The following TRAPPC9 variants were observed in gnomAD, a reference collection of about 807,000 sequenced individuals.
The protein encoded by TRAPPC9 is trafficking protein particle complex subunit 9, also known as IKK2 binding protein.
Under a neutral mutation model 124.0 loss-of-function variants are expected in TRAPPC9, and 83 were observed. The observed-to-expected ratio is 0.67, with a 90% CI of 0.56 to 0.80. The LOEUF is 0.80. Ranked by LOEUF, TRAPPC9 falls within the 30% of genes least tolerant of loss-of-function variation. TRAPPC9 has a pLI of 0.00. For synonymous variants in TRAPPC9, 638 were observed against 617.5 expected (o/e 1.03, Z -0.49); for missense variants, 1,302 against 1,508.3 (o/e 0.86, Z 2.27).
intron 17 of TRAPPC9, among the ~76,000 whole-genome samples, chr8:140,136,741 C>T (rs182058690): frequency 6.6e-6 from 1 of 152,188 alleles, no homozygotes; most frequent in Admixed American, 6.5e-5. Flanking sequence ...GGGAGGCTGA[C>T]GCAGGAGAAT....
chr8:139,807,427 G>A lies in TRAPPC9; in HGVS notation c.3056-75225C>T, dbSNP rs1824143960. 4.6e-5 allele frequency among the ~76,000 whole-genome samples: 7 copies of A among 152,294 alleles called. No individual in the cohort carries two copies. In the South Asian group the frequency reaches 1.5e-3, roughly 32 times the overall value. ...TGGCAGTTCTGGTAAAACTAAGAGT[G>A]GGGAGGAACATGAACTTGCTTTACT... On this transcript the variant is annotated intron_variant, in intron 21 of 22. Transcript: ENST00000438773.
intron 16 of TRAPPC9, among the ~76,000 whole-genome samples, chr8:140,236,436 A>G (rs945872096): frequency 1.3e-5 from 2 of 152,250 alleles, no homozygotes; most frequent in African/African-American, 2.4e-5. Context: ...TTATGATGAT[A>G]GAAGTCATAA....
chr8:140,368,375 G>A (rs2068182559), intron 8 of TRAPPC9, among the ~76,000 whole-genome samples: 1 of 152,180 alleles, frequency 6.6e-6, no homozygotes, highest in African/African-American at 2.4e-5. Flanking sequence ...TCTCACCTGA[G>A]TGGACAGCAT....
At chr8:140,175,656 G>A (rs371840653) in intron 17 of TRAPPC9, among the ~76,000 whole-genome samples, 20 of 152,224 alleles carry the variant, frequency 1.3e-4, no homozygotes, top group African/African-American at 4.6e-4. Flanking sequence ...GAAATCTGAC[G>A]ACATCCACGG....
At chr8:140,286,836 A>G (rs2065497746) in intron 13 of TRAPPC9, among the ~76,000 whole-genome samples, 1 of 152,200 alleles carries the variant, frequency 6.6e-6, no homozygotes, top group Non-Finnish European at 1.5e-5. Flanking sequence ...CAGCAAGGCC[A>G]GGGCATCGGT....
At chr8:140,169,020 C>T (rs551683631) in intron 17 of TRAPPC9, among the ~76,000 whole-genome samples, 69 of 152,116 alleles carry the variant, frequency 4.5e-4, no homozygotes, top group African/African-American at 1.5e-3. Context: ...GAGGGGCTCG[C>T]GGTCCCCTGG....
At chr8:139,819,023 G>A (rs1825063506) in intron 21 of TRAPPC9, among the ~76,000 whole-genome samples, 1 of 152,198 alleles carries the variant, frequency 6.6e-6, no homozygotes, top group Admixed American at 6.5e-5. Flanking sequence ...GAACCAGGCT[G>A]GAGAGCAGGA....
intron 16 of TRAPPC9, among the ~76,000 whole-genome samples, chr8:140,230,729 G>A (rs1439415491): frequency 4.6e-5 from 7 of 151,966 alleles, no homozygotes; most frequent in African/African-American, 1.7e-4. Flanking sequence ...AGCTGAGATC[G>A]CGCCACTGTG....
chr8:140,444,987 C>T (rs2071189812), intron 2 of TRAPPC9, among the ~76,000 whole-genome samples: 2 of 152,148 alleles, frequency 1.3e-5, no homozygotes, highest in African/African-American at 4.8e-5. Context: ...TCAGCTCATC[C>T]ACCTTCAGGG....
At chr8:140,418,443 G>A (rs759811012) in intron 5 of TRAPPC9, among the ~76,000 whole-genome samples, 12 of 152,152 alleles carry the variant, frequency 7.9e-5, no homozygotes, top group South Asian at 2.1e-4. Flanking sequence ...ACGCAAGGCC[G>A]GGCGCAGTGG....
intron 17 of TRAPPC9, among the ~76,000 whole-genome samples, chr8:140,100,712 G>A (rs1400611666): frequency 6.6e-6 from 1 of 152,214 alleles, no homozygotes; most frequent in South Asian, 2.1e-4. Context: ...GGGCGCTGGA[G>A]ATGAGGGTGG....
chr8:140,183,845 A>G (rs1490809632), intron 17 of TRAPPC9, among the ~76,000 whole-genome samples: 5 of 108,304 alleles, frequency 4.6e-5, no homozygotes, highest in African/African-American at 1.7e-4. Flanking sequence ...ACAGAATGAG[A>G]CTTTGTCAAA....
chr8:140,000,250 T>C (rs1328925803), intron 18 of TRAPPC9, among the ~76,000 whole-genome samples: 1 of 152,270 alleles, frequency 6.6e-6, no homozygotes, highest in Non-Finnish European at 1.5e-5. Context: ...ATTAAAGACT[T>C]CAATGTAAGA....
chr8:140,206,756 CAT>C (rs150660269), intron 17 of TRAPPC9, among the ~76,000 whole-genome samples: 57 of 145,646 alleles, frequency 3.9e-4, no homozygotes, highest in South Asian at 8.6e-4. Flanking sequence ...CATATACATA[CAT>C]ATATATATAT....
At chr8:139,736,322 C>T (rs1405593441) in intron 21 of TRAPPC9, among the ~76,000 whole-genome samples, 1 of 152,216 alleles carries the variant, frequency 6.6e-6, no homozygotes, top group Non-Finnish European at 1.5e-5. Flanking sequence ...CCCTCAGTGC[C>T]AGGCAAACTG....
chr8:140,373,344 G>A lies in TRAPPC9; in HGVS notation c.1135-2164C>T, dbSNP rs370207343. 2.4e-4 allele frequency among the ~76,000 whole-genome samples: 36 copies of A among 152,326 alleles called. 1 individual carries two copies. The highest frequency in any genetic ancestry group is 1.5e-3 in the East Asian group (8 of 5,184). ...TATGAGGCAGGCTGTACTAGGTGACGCCGCCGGGGCACACAGGCTCTCTGC... is the reference window on the plus strand; with the variant it reads ...TATGAGGCAGGCTGTACTAGGTGACACCGCCGGGGCACACAGGCTCTCTGC... On this transcript the variant is annotated intron_variant, in intron 7 of 22. Transcript: ENST00000438773.
At chr8:139,989,954 A>T (rs1275616454) in intron 18 of TRAPPC9, among the ~76,000 whole-genome samples, 2 of 152,188 alleles carry the variant, frequency 1.3e-5, no homozygotes, top group Non-Finnish European at 2.9e-5. Flanking sequence ...CACCCACGAC[A>T]GGACAGACAC....
At chr8:140,178,319 A>G (rs2062117208) in intron 17 of TRAPPC9, among the ~76,000 whole-genome samples, 1 of 152,084 alleles carries the variant, frequency 6.6e-6, no homozygotes, top group Admixed American at 6.5e-5. Flanking sequence ...TGTGTGATGC[A>G]TTTTGTCAGA....
At chr8:140,374,528 C>T (rs971290263) in intron 7 of TRAPPC9, among the ~76,000 whole-genome samples, 1 of 151,842 alleles carries the variant, frequency 6.6e-6, no homozygotes, top group African/African-American at 2.4e-5. Flanking sequence ...CAAGATTGTG[C>T]CATTACACTC....
Sources: gnomAD v4.1 joint callset for allele counts (sites outside exome capture counted in the v4.1 genomes callset) on GRCh38, gnomAD v4.1.1 for gene constraint, MANE v1.5 for transcripts, NCBI Gene and HGNC (gene_info 2026-07-23, HGNC 2026-07-21) for gene names.